Variants in NEDD4 observed in about 807,000 individuals in gnomAD.
NEDD4 encodes E3 ubiquitin-protein ligase NEDD4.
NEDD4 carries 99 observed loss-of-function variants against 144.9 expected under a neutral mutation model. The ratio of observed to expected loss-of-function variants is 0.68; its 90% CI spans 0.58 to 0.81. The LOEUF (loss-of-function observed/expected upper bound fraction) is 0.81, where lower values mean the gene tolerates loss of function less well. Ranked by LOEUF, NEDD4 falls within the 30% of genes least tolerant of loss-of-function variation. The pLI, the probability that NEDD4 is intolerant of heterozygous loss-of-function variation, is 0.00. For missense variants in NEDD4, 985 were observed against 1,065.9 expected (o/e 0.92, Z 1.06); for synonymous variants, 318 against 350.6 (o/e 0.91, Z 1.04).
intron 8 of NEDD4, among the ~76,000 whole-genome samples, chr15:55,867,500 A>T (rs1204042719): frequency 7.2e-5 from 11 of 152,090 alleles, no homozygotes; most frequent in Non-Finnish European, 1.5e-4. Flanking sequence ...ATGCTGTTAA[A>T]TTTTTTCAAG....
At chr15:55,901,773 A>G (rs2035921607) in intron 5 of NEDD4, among the ~76,000 whole-genome samples, 1 of 152,142 alleles carries the variant, frequency 6.6e-6, no homozygotes, top group Non-Finnish European at 1.5e-5. Flanking sequence ...ATATCATGGC[A>G]CTTTACAGTT....
chr15:55,845,913 G>A lies in NEDD4; in HGVS notation c.1608+1056C>T, dbSNP rs192794468. 7.6e-3 allele frequency among the ~76,000 whole-genome samples: 1,157 copies of A among 151,618 alleles called. 23 individuals are homozygous for A. The highest frequency in any genetic ancestry group is 0.027 in the African/African-American group (1,108 of 41,314). On this transcript the variant is annotated intron_variant, in intron 18 of 28. Transcript: ENST00000435532. ...CGGTTCTCCTGCCTCAGCCTCCGGAGTAGCCGGGATTAAAGGTGTGCGCCA... is the reference window on the plus strand; with the variant it reads ...CGGTTCTCCTGCCTCAGCCTCCGGAATAGCCGGGATTAAAGGTGTGCGCCA...
At chr15:55,989,342 T>C (rs1337612164) in intron 1 of NEDD4, among the ~76,000 whole-genome samples, 1 of 152,214 alleles carries the variant, frequency 6.6e-6, no homozygotes, top group Non-Finnish European at 1.5e-5. Flanking sequence ...ATCCTGGAAT[T>C]AAAGAGTTGC....
At chr15:55,868,976 C>T (rs1164025073) in intron 8 of NEDD4, among the ~76,000 whole-genome samples, 11 of 152,246 alleles carry the variant, frequency 7.2e-5, no homozygotes, top group African/African-American at 2.6e-4. Context: ...GTCTCCAAAC[C>T]CTATCCAATT....
At chr15:55,883,530 G>A (rs560705606) in intron 5 of NEDD4, among the ~76,000 whole-genome samples, 1 of 150,540 alleles carries the variant, frequency 6.6e-6, no homozygotes, top group South Asian at 2.1e-4. Flanking sequence ...GGGCCTTGGA[G>A]CAAACAGAGG....
chr15:55,851,576 A>C (rs2033982210), intron 13 of NEDD4, among the ~76,000 whole-genome samples: 1 of 151,982 alleles, frequency 6.6e-6, no homozygotes, highest in Admixed American at 6.5e-5. Flanking sequence ...TCCCAGGTTC[A>C]AGCGATTCTC....
At position 55,927,072 on chromosome 15, in the gene NEDD4, C is replaced by T. The variant is rs141787743; in HGVS notation, c.238-2373G>A. 7.0e-3 allele frequency among the ~76,000 whole-genome samples: 601 copies of T among 86,298 alleles called. 4 individuals carry two copies. Among genetic ancestry groups the T allele is most frequent in the African/African-American group, 0.027 (576 of 21,112 alleles). The allele number at this position is 86,298 out of a possible 152,430, so 56.6% of individuals were successfully genotyped here. On this transcript the variant is annotated intron_variant, in intron 4 of 28. Transcript: ENST00000435532. ...CAGCCTGGGCAACAGAGTGAGACTA[C>T]GTCTCAAAAAAAAAAAAAAAAAAAA...
chr15:55,839,548 G>A (rs892641112), intron 21 of NEDD4, among the ~76,000 whole-genome samples: 5 of 152,186 alleles, frequency 3.3e-5, no homozygotes, highest in Admixed American at 6.5e-5. Context: ...TGGAATTCAT[G>A]TGAACACACA....
At chr15:55,842,336 A>G (rs1413626469) in intron 18 of NEDD4, among the ~76,000 whole-genome samples, 173 bp from the exon 19 acceptor site, 1 of 152,188 alleles carries the variant, frequency 6.6e-6, no homozygotes, top group Non-Finnish European at 1.5e-5. Flanking sequence ...CCTCTATGGT[A>G]TGAGACAGTT....
At chr15:55,976,354 T>C (rs190452189) in intron 1 of NEDD4, among the ~76,000 whole-genome samples, 336 of 152,206 alleles carry the variant, frequency 2.2e-3, no homozygotes, top group African/African-American at 7.7e-3. Context: ...AGAAAATATA[T>C]GAAGCTCAAA....
intron 5 of NEDD4, among the ~76,000 whole-genome samples, chr15:55,899,817 G>A (rs951867047): frequency 7.2e-5 from 11 of 152,204 alleles, no homozygotes; most frequent in Non-Finnish European, 1.6e-4. Context: ...TGGAGCACAG[G>A]AAATGTGTCT....
chr15:55,843,008 G>A (rs866729241), intron 18 of NEDD4, among the ~76,000 whole-genome samples: 1 of 152,176 alleles, frequency 6.6e-6, no homozygotes, highest in Non-Finnish European at 1.5e-5. Flanking sequence ...GAATTATGGG[G>A]GCGGATCTTT....
At chr15:55,874,081 C>T in intron 5 of NEDD4, 73 bp from the exon 6 acceptor site, 1 of 793,862 alleles carries the variant, frequency 1.3e-6, no homozygotes, top group Non-Finnish European at 2.0e-6. Flanking sequence ...TGAGATAGTG[C>T]CACCATTCAC....
Position 55,924,677 on chromosome 15 carries a change from A to G in NEDD4, c.260T>C (p.Leu87Pro). ...LFRVHPQQHR[L>P]LFEVFDENRL... ...GTTTTCGTCAAACACTTCAAAAAGA[A>G]GCCGGTGCTGCTGAGGATGAACCTA... The change falls in exon 5 of 29, where the codon CTT becomes CCT. Residue 87 changes from leucine to proline, a missense_variant. Coordinates refer to ENST00000435532, the MANE Select transcript of NEDD4 (RefSeq NM_006154.4). The G allele has an allele frequency of 6.2e-7, 1 of 1,610,364 alleles. No individual in the cohort carries two copies. Among genetic ancestry groups the G allele is most frequent in the Non-Finnish European group, 8.5e-7 (1 of 1,178,294 alleles).
chr15:55,891,886 T>A (rs115731768), intron 5 of NEDD4, among the ~76,000 whole-genome samples: 2,676 of 152,256 alleles, frequency 0.018, 81 homozygotes, highest in African/African-American at 0.062. Context: ...GAATCCAAAG[T>A]AATAAAAAAT....
intron 18 of NEDD4, among the ~76,000 whole-genome samples, chr15:55,843,829 A>AAAGGCCT (rs1393075411): frequency 6.6e-6 from 1 of 152,162 alleles, no homozygotes; most frequent in Non-Finnish European, 1.5e-5. Context: ...AGCATTTATC[A>AAAGGCCT]AAGGCCTACT....
At chr15:55,946,722 C>A (rs967578373) in intron 4 of NEDD4, among the ~76,000 whole-genome samples, 3 of 152,088 alleles carry the variant, frequency 2.0e-5, no homozygotes, top group African/African-American at 7.2e-5. Flanking sequence ...CAGCACCACA[C>A]CACACTTATT....
In NEDD4 at chr15:55,840,737, C is replaced by G; in HGVS notation, c.1839-10G>C. On this transcript the variant is annotated splice_polypyrimidine_tract_variant and intron_variant, in intron 19 of 28. Coordinates refer to ENST00000435532, the MANE Select transcript of NEDD4 (RefSeq NM_006154.4). ...TAGGGTATAATTGTCCCTGTAAAGA[C>G]AACCCCATTTAAATACTTCATTTGA... The G allele has an allele frequency of 6.2e-7, 1 of 1,600,076 alleles. No homozygotes were observed. Among genetic ancestry groups the G allele is most frequent in the Non-Finnish European group, 8.5e-7 (1 of 1,175,790 alleles).
intron 21 of NEDD4, 39 bp from the exon 22 acceptor site, chr15:55,838,643 T>C (rs1352216743): frequency 7.0e-7 from 1 of 1,424,748 alleles, no homozygotes; most frequent in African/African-American, 1.4e-5. Flanking sequence ...TTTGTATCTA[T>C]AACACACCTG....
Sources: allele counts gnomAD v4.1 joint callset (sites outside exome capture counted in the v4.1 genomes callset), GRCh38; gene constraint gnomAD v4.1.1; transcripts MANE v1.5; gene names NCBI Gene and HGNC (gene_info 2026-07-23, HGNC 2026-07-21).